KMT2D: variants seen among roughly 807,000 people sequenced by gnomAD.
KMT2D encodes the protein histone-lysine N-methyltransferase 2D.
A neutral mutation model predicts 512.7 loss-of-function variants in KMT2D; 55 were observed. The ratio of observed to expected loss-of-function variants is 0.11; its 90% confidence interval spans 0.09 to 0.13. The LOEUF is 0.13. KMT2D is among the 10% of genes least tolerant of loss of function. KMT2D has a pLI of 1.00. For synonymous variants in KMT2D, 2,995 were observed against 2,904.0 expected (o/e 1.03, Z -1.01); for missense variants, 6,061 against 7,127.9 (o/e 0.85, Z 5.39).
rs769426621 is a variant in KMT2D, at chr12:49,044,095, C to G, written c.5189-97G>C. ...TGCCTACTCTCTCCCACAACACCAG[C>G]TGGGTCTACCACCCTCTTGGCCCTT... On this transcript the variant is annotated intron_variant, in intron 22 of 54. Transcript: ENST00000301067. This position sits in a 1 kb window ranked among gnomAD's most constrained non-coding sequence, Gnocchi z 6.4. The G allele has an allele frequency of 1.3e-6, 2 of 1,590,332 alleles. No individual in the cohort carries two copies. The highest frequency in any genetic ancestry group is 1.7e-6 in the Non-Finnish European group (2 of 1,166,260).
chr12:49,044,589 G>T lies in KMT2D; in HGVS notation c.4964-67C>A, dbSNP rs925196632. 1 of 1,586,324 alleles carries T rather than the reference G, an allele frequency of 6.3e-7. No homozygotes were observed. Among genetic ancestry groups the T allele is most frequent in the Non-Finnish European group, 8.6e-7 (1 of 1,165,160 alleles). On this transcript the variant is annotated intron_variant, in intron 20 of 54. Transcript: ENST00000301067. The surrounding 1 kb of genome is among the most constrained non-coding windows in gnomAD (Gnocchi z 6.4). ...TAGGCCCTTTTAACCTTGTCATCCT[G>T]CCACTGAGAGAGCTGAATACCTTGC...
Position 49,021,780 on chromosome 12 carries a change from T to G in KMT2D, c.16614A>C (p.Ter5538TyrextTer128). 6.2e-7 allele frequency: 1 copy of G among 1,612,826 alleles called. No homozygotes were observed. Among genetic ancestry groups the G allele is most frequent in the Non-Finnish European group, 8.5e-7 (1 of 1,178,748 alleles). Residue 5538 changes from the stop codon to tyrosine (Y), a stop_lost, in exon 55 of 55, where the codon TAA becomes TAC. Transcript: ENST00000301067. ...CCCTGCCTGGTAGCCTCAAAGCTTC[T>G]TAGTTCATCCATTTCCGACAATTCC... The part of the protein sequence containing the change: ...GAWNCRKWMN[*>Y]
chr12:49,049,812 A>G lies in KMT2D; in HGVS notation c.3776T>C (p.Leu1259Pro). The G allele has an allele frequency of 6.2e-7, 1 of 1,613,954 alleles. No homozygotes were observed. The highest frequency in any genetic ancestry group is 8.5e-7 in the Non-Finnish European group (1 of 1,179,898). The change falls in exon 12 of 55, where the codon CTC becomes CCC. Residue 1259 changes from leucine to proline, a missense_variant. Transcript: ENST00000301067. Reference sequence around the variant, plus strand: ...AGTCTCTGGCAGTGAGTCAGTACAGAGCCGTAGGGAGCCCTCATCTCGGGC... The same window carrying G: ...AGTCTCTGGCAGTGAGTCAGTACAGGGCCGTAGGGAGCCCTCATCTCGGGC... ...SPARDEGSLR[L>P]CTDSLPETDD... is the part of the protein sequence containing the mutation.
chr12:49,034,597 T>G lies in KMT2D; in HGVS notation c.10425A>C (p.Ala3475=). 6.2e-7 allele frequency: 1 copy of G among 1,613,632 alleles called. No homozygotes were observed. Among genetic ancestry groups the G allele is most frequent in the Non-Finnish European group, 8.5e-7 (1 of 1,179,790 alleles). ...GACCACTTACCTGGCCACTCCCAGCTGCCACATGGTTCTGCAGATCACTGC... is the reference window on the plus strand; with the variant it reads ...GACCACTTACCTGGCCACTCCCAGCGGCCACATGGTTCTGCAGATCACTGC... ...GPSSDLQNHV[A]AGSGQERSAG... The change falls in exon 37 of 55, where the codon GCA becomes GCC. Residue 3475 remains alanine (A), a synonymous_variant. Coordinates refer to ENST00000301067, the MANE Select transcript of KMT2D (RefSeq NM_003482.4).
intron 42 of KMT2D, 70 bp downstream of exon 42, chr12:49,030,531 A>G: frequency 6.7e-6 from 10 of 1,491,106 alleles, no homozygotes; most frequent in Non-Finnish European, 9.0e-6. Flanking sequence ...AATTCCCTCA[A>G]GTTTTCTATT....
In KMT2D at chr12:49,038,133, A is replaced by T. The variant is rs1174956128; in HGVS notation, c.9223T>A (p.Ser3075Thr). Residue 3075 changes from serine (S) to threonine (T), a missense_variant, in exon 35 of 55, where the codon TCG becomes ACG. Coordinates refer to ENST00000301067, the MANE Select transcript of KMT2D (RefSeq NM_003482.4). This position sits in a 1 kb window ranked among gnomAD's most constrained non-coding sequence, Gnocchi z 5.7. Reference sequence around the variant, plus strand: ...TCCCGTTCAGCCTTCTCATTAGCCGATTCTACCAGCCTCAGGTGCTCATTG... The same window carrying T: ...TCCCGTTCAGCCTTCTCATTAGCCGTTTCTACCAGCCTCAGGTGCTCATTG... Reference protein sequence around the residue: ...IFNEHLRLVESANEKAEREAL... With the variant: ...IFNEHLRLVETANEKAEREAL... 1 of 1,613,772 alleles carries T rather than the reference A, an allele frequency of 6.2e-7. No homozygotes were observed. Among genetic ancestry groups the T allele is most frequent in the Non-Finnish European group, 8.5e-7 (1 of 1,179,882 alleles).
In KMT2D at chr12:49,052,621, C is replaced by A; in HGVS notation, c.1201G>T (p.Val401Leu). Residue 401 changes from valine to leucine, a missense_variant, in exon 10 of 55, where the codon GTG becomes TTG. By Grantham distance (32) the Val-to-Leu change is conservative (BLOSUM62 1). Transcript: ENST00000301067. ...ACQGQPKGGH[V>L]TSMQPKEPGP... ...GGTTCCTTGGGTTGCATAGAGGTCA[C>A]GTGCCCACCCTTTGGCTGCCCTTGG... 6.2e-7 allele frequency: 1 copy of A among 1,613,528 alleles called. No individual in the cohort carries two copies. Among genetic ancestry groups the A allele is most frequent in the Non-Finnish European group, 8.5e-7 (1 of 1,179,654 alleles).
intron 19 of KMT2D, among the ~76,000 whole-genome samples, chr12:49,045,492 A>T (rs1191527042): frequency 6.6e-6 from 1 of 151,986 alleles, no homozygotes; most frequent in Non-Finnish European, 1.5e-5. Context: ...AAAATACAAA[A>T]AATTAGCCGG....
intron 9 of KMT2D, 65 bp from the exon 10 acceptor site, chr12:49,052,774 C>A: frequency 1.3e-6 from 2 of 1,593,528 alleles, no homozygotes; most frequent in South Asian, 1.1e-5. Context: ...AGAGAGCACA[C>A]TGGGGGGAGG....
Position 49,049,876 on chromosome 12 carries a change from G to A in KMT2D, c.3712C>T (p.Leu1238=), listed in dbSNP as rs2120642081. The A allele has an allele frequency of 1.2e-6, 2 of 1,613,894 alleles. 1 individual carries two copies. The highest frequency in any genetic ancestry group is 2.2e-5 in the South Asian group (2 of 91,080). ...GSPDPEGGGS[L]SMELGVSTDV... ...GTAGAGACCCCCAACTCCATGGACA[G>A]GGAGCCACCCCCCTCCGGGTCTGGA... Residue 1238 remains leucine (L), a synonymous_variant, in exon 12 of 55, where the codon CTG becomes TTG. Coordinates refer to ENST00000301067, the MANE Select transcript of KMT2D (RefSeq NM_003482.4).
In KMT2D at chr12:49,046,854, T is replaced by C; in HGVS notation, c.4237-64A>G. 6.8e-7 allele frequency: 1 copy of C among 1,470,510 alleles called. No homozygotes were observed. The highest frequency in any genetic ancestry group is 9.2e-7 in the Non-Finnish European group (1 of 1,086,858). 91.1% of individuals were successfully genotyped at this position (1,470,510 alleles called of 1,614,324 possible). A position where few individuals can be genotyped will look rare whatever the true frequency, so the allele number is the denominator to read the frequency against. Reference sequence around the variant, plus strand: ...GAAAAGAGGTAGAACTTCTTTTTATTTTTTTTTGGAGATGGAGTTTTGCTC... The same window carrying C: ...GAAAAGAGGTAGAACTTCTTTTTATCTTTTTTTGGAGATGGAGTTTTGCTC... On this transcript the variant is annotated intron_variant, in intron 15 of 54. Transcript: ENST00000301067. The surrounding 1 kb of genome is among the most constrained non-coding windows in gnomAD (Gnocchi z 4.2).
At position 49,024,134 on chromosome 12, in the gene KMT2D, T is replaced by C; in HGVS notation, c.16052+444A>G. 3 of 447,996 alleles carry C rather than the reference T, an allele frequency of 6.7e-6. No individual in the cohort carries two copies. The highest frequency in any genetic ancestry group is 4.8e-5 in the South Asian group (3 of 61,866). 27.8% of individuals were successfully genotyped at this position (447,996 alleles called of 1,614,324 possible). On this transcript the variant is annotated intron_variant, in intron 51 of 54. Coordinates refer to ENST00000301067, the MANE Select transcript of KMT2D (RefSeq NM_003482.4). The surrounding 1 kb of genome is among the most constrained non-coding windows in gnomAD (Gnocchi z 4.5). ...AAAAAAGTATAAAGTGCTATACAAA[T>C]GTAAGGTTTTATTATTTTTCTATTA...
At chr12:49,055,487 T>C (rs187202953) in intron 1 of KMT2D, 126 bp from the exon 2 acceptor site, 1 of 606,220 alleles carries the variant, frequency 1.6e-6, no homozygotes, top group African/African-American at 1.9e-5. Flanking sequence ...TACAAACTCC[T>C]ATACTGACAA....
Position 49,040,389 on chromosome 12 carries a change from CACGGGACTG to C in KMT2D, c.7372_7380del (p.Gln2458_Arg2460del). 1 of 1,565,668 alleles carries C rather than the reference CACGGGACTG, an allele frequency of 6.4e-7. No individual in the cohort carries two copies. The highest frequency in any genetic ancestry group is 1.2e-5 in the South Asian group (1 of 83,292). On this transcript the variant is annotated inframe_deletion, in exon 32 of 55. Transcript: ENST00000301067. ...GGCTTATGCAATGGGGCAAATGGGT[CACGGGACTG>C]AGGGCGTGAGGGTGGGCGAGAATAA...
rs541649513 is a variant in KMT2D at position 49,033,749 on chromosome 12, G to C, written c.10956C>G (p.Ala3652=). Residue 3652 remains alanine, a synonymous_variant, in exon 40 of 55, where the codon GCC becomes GCG. Coordinates refer to ENST00000301067, the MANE Select transcript of KMT2D (RefSeq NM_003482.4). ...QPPQGPPGGQ[A]GGLRLTPGGM... ...CCCCAGGGGTCAGGCGAAGACCTCC[G>C]GCTTGCCCACCCGGAGGCCCCTGTG... 6.2e-7 allele frequency: 1 copy of C among 1,612,688 alleles called. No homozygotes were observed. The highest frequency in any genetic ancestry group is 8.5e-7 in the Non-Finnish European group (1 of 1,179,534).
At chr12:49,036,918 T>G (rs1312815293) in intron 35 of KMT2D, among the ~76,000 whole-genome samples, 1 of 152,248 alleles carries the variant, frequency 6.6e-6, no homozygotes, top group Non-Finnish European at 1.5e-5. Flanking sequence ...TTCAAACATC[T>G]GCTACATGCC....
Position 49,037,487 on chromosome 12 carries a change from C to A in KMT2D, c.9869G>T (p.Gly3290Val), listed in dbSNP as rs142911865. Residue 3290 changes from glycine (G) to valine (V), a missense_variant, in exon 35 of 55, where the codon GGC becomes GTC. Gly to Val is a moderately radical substitution (Grantham distance 109). Transcript: ENST00000301067. ...TGGCAAAGACATGGCCTGGGCAGGG[C>A]CTGGTGCAGACAGTAGGGAATGCTG... Reference protein sequence around the residue: ...QQQHSLLSAPGPAQAMSLPHE... With the variant: ...QQQHSLLSAPVPAQAMSLPHE... The A allele has an allele frequency of 1.3e-6, 2 of 1,560,060 alleles. No individual in the cohort carries two copies. The highest frequency in any genetic ancestry group is 2.4e-5 in the East Asian group (1 of 41,536).
rs1942168149 is a variant in KMT2D, at chr12:49,019,150, A to G, written c.*2630T>C. 1 of 1,130,274 alleles carries G rather than the reference A, an allele frequency of 8.8e-7. No homozygotes were observed. 70.0% of individuals were successfully genotyped at this position (1,130,274 alleles called of 1,614,324 possible). ...GGGTGGAGGGAGAGAGGGCGCTTTA[A>G]AAAAGGGAACCATTTCATCCGTTGT... On this transcript the variant is annotated 3_prime_UTR_variant, in exon 55 of 55. Coordinates refer to ENST00000301067, the MANE Select transcript of KMT2D (RefSeq NM_003482.4).
chr12:49,029,309 G>T, intron 44 of KMT2D, 73 bp from the exon 45 acceptor site: 1 of 1,584,158 alleles, frequency 6.3e-7, no homozygotes, highest in Non-Finnish European at 8.6e-7. Flanking sequence ...ATGAATAGAT[G>T]TCTTACTTGA....
Sources: gnomAD v4.1 joint callset for allele counts (sites outside exome capture counted in the v4.1 genomes callset) on GRCh38, gnomAD v4.1.1 for gene constraint, Gnocchi (gnomAD v3.1) non-coding constraint, MANE v1.5 for transcripts, NCBI Gene and HGNC (gene_info 2026-07-23, HGNC 2026-07-21) for gene names.